The following EZH1 variants were observed in gnomAD, a reference collection of about 807,000 sequenced individuals.
EZH1 encodes enhancer of zeste 1 polycomb repressive complex 2 subunit.
EZH1 carries 33 observed loss-of-function variants against 100.5 expected under a neutral mutation model. The observed-to-expected ratio is 0.33, with a 90% CI of 0.25 to 0.44. The LOEUF is 0.44. Among genes scored for constraint, EZH1 ranks in the 20% least tolerant of loss-of-function variants. EZH1 has a pLI of 1.00. For missense variants in EZH1, 475 were observed against 928.4 expected (o/e 0.51, Z 6.35); for synonymous variants, 272 against 313.8 (o/e 0.87, Z 1.41).
chr17:42,712,319 G>A lies in EZH1; in HGVS notation c.1371C>T (p.Ala457=). ...TGCACGTCTTGGTCCCCAGAAGCCT[G>A]GCTATTGAACAGAAGTTGTTGAAGT... ...GTYFNNFCSI[A]RLLGTKTCKQ... is the part of the protein sequence containing the mutation. Residue 457 remains alanine (A), a synonymous_variant, in exon 12 of 21, where the codon GCC becomes GCT. Coordinates refer to ENST00000428826, the MANE Select transcript of EZH1 (RefSeq NM_001991.5). The A allele has an allele frequency of 6.2e-6, 10 of 1,614,080 alleles. No homozygotes were observed. Among genetic ancestry groups the A allele is most frequent in the Non-Finnish European group, 8.5e-6 (10 of 1,180,028 alleles).
chr17:42,725,152 C>T (rs1055192106), intron 4 of EZH1, among the ~76,000 whole-genome samples: 3 of 151,942 alleles, frequency 2.0e-5, no homozygotes, highest in African/African-American at 7.2e-5. Flanking sequence ...GGCGACATAG[C>T]GATACTCCGT....
chr17:42,740,651 G>C (rs2054159848), intron 1 of EZH1, among the ~76,000 whole-genome samples: 1 of 152,188 alleles, frequency 6.6e-6, no homozygotes, highest in African/African-American at 2.4e-5. Flanking sequence ...TGCCCAGTGA[G>C]AACGCTGACT....
In EZH1 at chr17:42,735,346, C is replaced by T. The variant is rs117089855; in HGVS notation, c.-102-4428G>A. On this transcript the variant is annotated intron_variant, in intron 1 of 20. Coordinates refer to ENST00000428826, the MANE Select transcript of EZH1 (RefSeq NM_001991.5). ...AGTTTTCACCACAGCTGGACCCTAA[C>T]CAACAATTATCATATCAAAGTTAAA... Among the ~76,000 whole-genome samples, 613 of 150,856 alleles carry T rather than the reference C, an allele frequency of 4.1e-3. 2 individuals carry two copies. The highest frequency in any genetic ancestry group is 6.5e-3 in the Non-Finnish European group (444 of 67,830).
intron 13 of EZH1, 110 bp from the exon 14 acceptor site, chr17:42,709,026 GT>G: frequency 5.6e-6 from 7 of 1,258,648 alleles, no homozygotes; most frequent in Non-Finnish European, 8.1e-6. Context: ...TGACTGGGGA[GT>G]ATCTTCCCAA....
At chr17:42,720,480 T>C (rs780292111) in intron 6 of EZH1, 31 bp from the exon 7 acceptor site, 8 of 1,586,882 alleles carry the variant, frequency 5.0e-6, no homozygotes, top group Non-Finnish European at 6.0e-6. Context: ...AGATGAGCAG[T>C]GGTCACTTCA....
chr17:42,740,204 T>C (rs924699967), intron 1 of EZH1, among the ~76,000 whole-genome samples: 2 of 151,604 alleles, frequency 1.3e-5, no homozygotes, highest in Non-Finnish European at 2.9e-5. Context: ...CATGCCACCA[T>C]GCCTGGCTAA....
chr17:42,737,517 A>C (rs2054089275), intron 1 of EZH1, among the ~76,000 whole-genome samples: 1 of 152,068 alleles, frequency 6.6e-6, no homozygotes, highest in African/African-American at 2.4e-5. Context: ...GTGAGAAGAC[A>C]GATGGAGCCT....
At chr17:42,709,105 A>T in intron 13 of EZH1, 189 bp from the exon 14 acceptor site, 1 of 619,124 alleles carries the variant, frequency 1.6e-6, no homozygotes, top group South Asian at 1.9e-5. Context: ...GGCCTGTGCT[A>T]CAAGAGTTAA....
chr17:42,709,717 G>T, intron 13 of EZH1, 129 bp downstream of exon 13: 1 of 783,276 alleles, frequency 1.3e-6, no homozygotes, highest in Non-Finnish European at 2.1e-6. Flanking sequence ...GTCATGTGAT[G>T]CCAAGCTGAT....
Position 42,724,380 on chromosome 17 carries a change from C to A in EZH1, c.291G>T (p.Met97Ile). 6.2e-7 allele frequency: 1 copy of A among 1,614,100 alleles called. No homozygotes were observed. The highest frequency in any genetic ancestry group is 1.1e-5 in the South Asian group (1 of 91,084). Residue 97 changes from methionine (M) to isoleucine (I), a missense_variant, in exon 5 of 21, where the codon ATG becomes ATT. Met to Ile is a conservative substitution (Grantham distance 10). Around this residue, in one of 8 missense-constraint regions of EZH1, gnomAD observed 105 missense variants for 129.8 expected, o/e 0.81. Coordinates refer to ENST00000428826, the MANE Select transcript of EZH1 (RefSeq NM_001991.5). ...SIFPGFASQHMLMRSLNTVAL... is the reference protein window; with the variant it reads ...SIFPGFASQHILMRSLNTVAL... ...CAACTGTGTTCAGTGACCTCATTAA[C>A]ATATGTTGGCTTGCAAATCCCGGGA... is the stretch of plus-strand genomic sequence containing the variant.
At chr17:42,717,339 G>A (rs2053625963) in intron 10 of EZH1, among the ~76,000 whole-genome samples, 1 of 152,172 alleles carries the variant, frequency 6.6e-6, no homozygotes, top group African/African-American at 2.4e-5. Flanking sequence ...ACTAAAGATG[G>A]TTCCAAAAGC....
At chr17:42,738,018 T>C (rs2054098387) in intron 1 of EZH1, among the ~76,000 whole-genome samples, 1 of 151,342 alleles carries the variant, frequency 6.6e-6, no homozygotes, top group Non-Finnish European at 1.5e-5. Context: ...CTACTAAAAA[T>C]ACAAAAAATT....
chr17:42,707,867 T>C lies in EZH1; in HGVS notation c.1660+91A>G, dbSNP rs893274560. The C allele has an allele frequency of 2.1e-5, 31 of 1,502,188 alleles. No homozygotes were observed. The African/African-American group carries it at 3.9e-4, about 19-fold the overall frequency. 93.1% of individuals were successfully genotyped at this position (1,502,188 alleles called of 1,614,324 possible). A position where few individuals can be genotyped will look rare whatever the true frequency, so the allele number is the denominator to read the frequency against. On this transcript the variant is annotated intron_variant, in intron 15 of 20. Coordinates refer to ENST00000428826, the MANE Select transcript of EZH1 (RefSeq NM_001991.5). ...CAGCAAAGGGGATATCAGAAGGCCA[T>C]AAGCAGTAAAGGGCACAGGAATGGG...
chr17:42,724,192 A>G, intron 5 of EZH1, 113 bp downstream of exon 5: 1 of 1,246,298 alleles, frequency 8.0e-7, no homozygotes, highest in South Asian at 1.3e-5. Context: ...TCTGCCCTGC[A>G]TGTCCTAGCT....
At chr17:42,717,833 G>A in intron 10 of EZH1, 143 bp downstream of exon 10, 1 of 672,030 alleles carries the variant, frequency 1.5e-6, no homozygotes, top group Non-Finnish European at 2.6e-6. Context: ...CTTAAGAGCG[G>A]TCCCACAGTA....
intron 20 of EZH1, 113 bp downstream of exon 20, chr17:42,702,764 C>A: frequency 7.6e-7 from 1 of 1,307,624 alleles, no homozygotes; most frequent in Non-Finnish European, 1.1e-6. Flanking sequence ...CCTTATTCAC[C>A]GGGAGACTCT....
chr17:42,702,965 C>A lies in EZH1; in HGVS notation c.2099-4G>T, dbSNP rs946475220. 5.0e-6 allele frequency: 8 copies of A among 1,613,878 alleles called. No homozygotes were observed. Among genetic ancestry groups the A allele is most frequent in the Non-Finnish European group, 6.8e-6 (8 of 1,179,994 alleles). On this transcript the variant is annotated splice_polypyrimidine_tract_variant and splice_region_variant and intron_variant, in intron 19 of 20. Transcript: ENST00000428826. The stretch of plus-strand genomic sequence containing the variant: ...TGGTCTCCATTCACCATGACCACTG[C>A]AAGCAGGATAAACCCGAGGCTAGGT...
chr17:42,740,470 T>C (rs549578241), intron 1 of EZH1, among the ~76,000 whole-genome samples: 1 of 152,280 alleles, frequency 6.6e-6, no homozygotes, highest in African/African-American at 2.4e-5. Flanking sequence ...TCTCTTGACC[T>C]TGTGATCCAC....
Position 42,709,717 on chromosome 17 carries a change from G to A in EZH1, c.1493+129C>T, listed in dbSNP as rs565003706. The A allele has an allele frequency of 7.7e-6, 6 of 783,278 alleles. No individual in the cohort carries two copies. In the African/African-American group the frequency reaches 8.6e-5, roughly 11 times the overall value. The allele number at this position is 783,278 out of a possible 1,614,324, so 48.5% of individuals were successfully genotyped here. A position where few individuals can be genotyped will look rare whatever the true frequency, so the allele number is the denominator to read the frequency against. On this transcript the variant is annotated intron_variant, in intron 13 of 20. Coordinates refer to ENST00000428826, the MANE Select transcript of EZH1 (RefSeq NM_001991.5). Reference sequence around the variant, plus strand: ...GGAGGCTGGCTCTCAGTCATGTGATGCCAAGCTGATGGGCTCACACAGCCT... The same window carrying A: ...GGAGGCTGGCTCTCAGTCATGTGATACCAAGCTGATGGGCTCACACAGCCT...
Sources: gnomAD v4.1 joint callset for allele counts (sites outside exome capture counted in the v4.1 genomes callset) on GRCh38, gnomAD v4.1.1 for gene constraint, gnomAD v4.1.1 regional missense constraint, MANE v1.5 for transcripts, NCBI Gene and HGNC (gene_info 2026-07-23, HGNC 2026-07-21) for gene names.